Variants in MGST1 observed in about 807,000 individuals in gnomAD.
MGST1 encodes glutathione S-transferase 12.
A neutral mutation model predicts 8.9 loss-of-function variants in MGST1; 5 were observed. The observed-to-expected ratio is 0.56, with a 90% CI of 0.29 to 1.19. The LOEUF (loss-of-function observed/expected upper bound fraction) is 1.19, where lower values mean the gene tolerates loss of function less well. Among genes scored for constraint, MGST1 ranks in the 50% most tolerant of loss-of-function variants. The pLI is 0.08. For missense variants in MGST1, 182 were observed against 187.4 expected (o/e 0.97, Z 0.17); for synonymous variants, 54 against 67.8 (o/e 0.80, Z 1.00).
rs75908587 is a variant in MGST1 at position 16,561,320 on chromosome 12, A to G, written n.483-28208A>G. ...ATCCATTTGCACTGGCAATATTTAAACCAAGTTTCTTTAAAGTTGATAATG... is the reference window on the plus strand; with the variant it reads ...ATCCATTTGCACTGGCAATATTTAAGCCAAGTTTCTTTAAAGTTGATAATG... On this transcript the variant is annotated intron_variant and non_coding_transcript_variant, in intron 4 of 4. Transcript: ENST00000538857. Among the ~76,000 whole-genome samples, 11 of 152,320 alleles carry G rather than the reference A, an allele frequency of 7.2e-5. No homozygotes were observed. The East Asian group carries it at 1.7e-3, about 24-fold the overall frequency.
chr12:16,391,692 T>C (rs111896075), intron 1 of MGST1, among the ~76,000 whole-genome samples: 4,072 of 152,296 alleles, frequency 0.027, 185 homozygotes, highest in African/African-American at 0.092. Flanking sequence ...ATTCTGCACA[T>C]TGTCTGTTTA....
intron 4 of MGST1, among the ~76,000 whole-genome samples, chr12:16,486,766 A>G (rs1179590903): frequency 6.6e-6 from 1 of 152,336 alleles, no homozygotes. Flanking sequence ...CCACTAGCCA[A>G]TCATGTCACG....
At position 16,537,028 on chromosome 12, in the gene MGST1, G is replaced by C. The variant is rs1941760535; in HGVS notation, n.483-52500G>C. Among the ~76,000 whole-genome samples the C allele has an allele frequency of 6.6e-6, 1 of 152,092 alleles. No individual in the cohort carries two copies. Among genetic ancestry groups the C allele is most frequent in the African/African-American group, 2.4e-5 (1 of 41,408 alleles). ...TTAACCCAAAAGTCCACAGTCCAAA[G>C]TCTCATCTGAGACAAGGCAAGTCCC... is the stretch of plus-strand genomic sequence containing the variant. On this transcript the variant is annotated intron_variant and non_coding_transcript_variant, in intron 4 of 4. Transcript: ENST00000538857. The surrounding 1 kb of genome is among the most constrained non-coding windows in gnomAD (Gnocchi z 4.6).
intron 4 of MGST1, among the ~76,000 whole-genome samples, chr12:16,568,445 C>A (rs1400154349): frequency 1.3e-5 from 2 of 152,140 alleles, no homozygotes; most frequent in South Asian, 4.1e-4. Flanking sequence ...ATAATCCAAG[C>A]TAAGTACCCA....
Position 16,586,821 on chromosome 12 carries a change from T to C in MGST1, n.483-2707T>C, listed in dbSNP as rs1002466556. Among the ~76,000 whole-genome samples the C allele has an allele frequency of 2.6e-5, 4 of 152,214 alleles. No individual in the cohort carries two copies. The highest frequency in any genetic ancestry group is 9.6e-5 in the African/African-American group (4 of 41,458). On this transcript the variant is annotated intron_variant and non_coding_transcript_variant, in intron 4 of 4. Coordinates refer to the MGST1 transcript ENST00000538857. The surrounding 1 kb of genome is among the most constrained non-coding windows in gnomAD (Gnocchi z 4.3). ...TTCTCCCAAAGGAACATGTAAGCCATACACAGTTGGCATCAAATATTACTG... is the reference window on the plus strand; with the variant it reads ...TTCTCCCAAAGGAACATGTAAGCCACACACAGTTGGCATCAAATATTACTG...
chr12:16,483,084 A>G (rs1941375773), intron 4 of MGST1, among the ~76,000 whole-genome samples: 1 of 152,242 alleles, frequency 6.6e-6, no homozygotes, highest in Non-Finnish European at 1.5e-5. Context: ...TAAATGCCCT[A>G]TATGCCCATA....
Position 16,353,961 on chromosome 12 carries a change from T to C in MGST1, c.-22-270T>C, listed in dbSNP as rs7980164. Among the ~76,000 whole-genome samples the C allele has an allele frequency of 5.6e-3, 846 of 152,158 alleles. 10 individuals carry two copies. Among genetic ancestry groups the C allele is most frequent in the African/African-American group, 0.019 (789 of 41,490 alleles). On this transcript the variant is annotated intron_variant, in intron 1 of 3. Transcript: ENST00000396210. Reference sequence around the variant, plus strand: ...TTTTAGTAGAGATGGGGTTTCACCATGTTGGGCTGGCTGGTCTCAAACTCC... The same window carrying C: ...TTTTAGTAGAGATGGGGTTTCACCACGTTGGGCTGGCTGGTCTCAAACTCC...
At chr12:16,536,882 G>T (rs1176753058) in intron 4 of MGST1, among the ~76,000 whole-genome samples, 1 of 152,084 alleles carries the variant, frequency 6.6e-6, no homozygotes, top group African/African-American at 2.4e-5. Flanking sequence ...TGAGATTTGG[G>T]TGGGGACACA....
At chr12:16,428,505 G>A (rs1940912548) in intron 1 of MGST1, among the ~76,000 whole-genome samples, 1 of 151,348 alleles carries the variant, frequency 6.6e-6, no homozygotes, top group African/African-American at 2.4e-5. Flanking sequence ...GTTATCATGA[G>A]TTTTTAATTA....
chr12:16,589,747 C>T (rs116047079), downstream of MGST1, among the ~76,000 whole-genome samples: 671 of 152,154 alleles, frequency 4.4e-3, 4 homozygotes, highest in African/African-American at 0.015. This position sits in a 1 kb window ranked among gnomAD's most constrained non-coding sequence, Gnocchi z 4.2. Flanking sequence ...AGACGAGGAT[C>T]ACCAAGTGAT....
rs1941764834 is a variant in MGST1, at chr12:16,537,829, T to A, written n.483-51699T>A. Among the ~76,000 whole-genome samples, 1 of 152,080 alleles carries A rather than the reference T, an allele frequency of 6.6e-6. No individual in the cohort carries two copies. Among genetic ancestry groups the A allele is most frequent in the Non-Finnish European group, 1.5e-5 (1 of 67,998 alleles). On this transcript the variant is annotated intron_variant and non_coding_transcript_variant, in intron 4 of 4. Coordinates refer to the MGST1 transcript ENST00000538857. This position sits in a 1 kb window ranked among gnomAD's most constrained non-coding sequence, Gnocchi z 4.6. ...TCCTGGGCCCAGCCCAGGAAACCAT[T>A]TTTTCCTCCTAGCCTTCCCGGTCTG...
intron 4 of MGST1, among the ~76,000 whole-genome samples, chr12:16,465,702 T>A (rs1156461952): frequency 6.6e-6 from 1 of 152,138 alleles, no homozygotes; most frequent in Non-Finnish European, 1.5e-5. Context: ...GTAATAATAA[T>A]AGAAATAAAG....
At chr12:16,511,920 G>A (rs540930366) in intron 4 of MGST1, among the ~76,000 whole-genome samples, 1 of 152,158 alleles carries the variant, frequency 6.6e-6, no homozygotes, top group Admixed American at 6.5e-5. Flanking sequence ...CCTATGAACT[G>A]CAGCCTTCAG....
At chr12:16,541,252 T>C (rs1176425042) in intron 4 of MGST1, among the ~76,000 whole-genome samples, 1 of 152,212 alleles carries the variant, frequency 6.6e-6, no homozygotes, top group Non-Finnish European at 1.5e-5. Flanking sequence ...TTCTTTTTTT[T>C]CCCTGCAAAC....
intron 4 of MGST1, among the ~76,000 whole-genome samples, chr12:16,498,569 G>A (rs1288502480): frequency 1.3e-5 from 2 of 152,166 alleles, no homozygotes; most frequent in African/African-American, 4.8e-5. Context: ...CTCAGGTACA[G>A]TTAATGCCAG....
At chr12:16,505,843 G>C (rs1020387801) in intron 4 of MGST1, among the ~76,000 whole-genome samples, 1 of 152,094 alleles carries the variant, frequency 6.6e-6, no homozygotes, top group Non-Finnish European at 1.5e-5. Context: ...GGCAGACAAC[G>C]AATATAAATC....
At chr12:16,506,862 TAAAC>T (rs1483113276) in intron 4 of MGST1, among the ~76,000 whole-genome samples, 20 of 152,352 alleles carry the variant, frequency 1.3e-4, no homozygotes, top group South Asian at 6.2e-4. Flanking sequence ...ACGAATGAAT[TAAAC>T]AAATATGTTT....
intron 4 of MGST1, among the ~76,000 whole-genome samples, chr12:16,471,349 G>C (rs1811034317): frequency 2.0e-5 from 3 of 152,152 alleles, no homozygotes; most frequent in Admixed American, 2.0e-4. Flanking sequence ...TTCTCTGTTG[G>C]TATTCTTACA....
chr12:16,416,813 T>C (rs1347269645), intron 1 of MGST1, among the ~76,000 whole-genome samples: 3 of 152,156 alleles, frequency 2.0e-5, no homozygotes, highest in South Asian at 2.1e-4. Context: ...TTCTCAAAGA[T>C]TGGAGCAATT....
Sources: gnomAD v4.1 joint callset for allele counts (sites outside exome capture counted in the v4.1 genomes callset) on GRCh38, gnomAD v4.1.1 for gene constraint, Gnocchi (gnomAD v3.1) non-coding constraint, MANE v1.5 for transcripts, NCBI Gene and HGNC (gene_info 2026-07-23, HGNC 2026-07-21) for gene names.